The following TMEM161B variants were observed in gnomAD, a reference collection of about 807,000 sequenced individuals.
TMEM161B encodes transmembrane protein 161B.
Under a neutral mutation model 61.8 loss-of-function variants are expected in TMEM161B, and 34 were observed. The ratio of observed to expected loss-of-function variants is 0.55; its 90% confidence interval spans 0.42 to 0.73. The LOEUF is 0.73. TMEM161B is among the 30% of genes least tolerant of loss of function. The pLI, the probability that TMEM161B is intolerant of heterozygous loss-of-function variation, is 0.00. For missense variants in TMEM161B, 456 were observed against 558.5 expected, an observed-to-expected ratio of 0.82 and a Z score of 1.85; for synonymous variants, 167 against 192.8, an observed-to-expected ratio of 0.87 and a Z score of 1.11.
At chr5:88,258,206 T>A (rs1031609256) in intron 1 of TMEM161B, among the ~76,000 whole-genome samples, 10 of 152,218 alleles carry the variant, frequency 6.6e-5, no homozygotes, top group African/African-American at 2.4e-4. Context: ...TGCTTATCTG[T>A]CCCTATTGAC....
intron 1 of TMEM161B, among the ~76,000 whole-genome samples, chr5:88,244,436 A>G (rs1753267558): frequency 6.6e-6 from 1 of 151,810 alleles, no homozygotes; most frequent in South Asian, 2.1e-4. Flanking sequence ...CAAAGATCAC[A>G]TGGTTGCAGG....
rs748281708 is a variant in TMEM161B at position 88,228,453 on chromosome 5, T to A, written c.183A>T (p.Lys61Asn). The A allele has an allele frequency of 1.9e-6, 3 of 1,604,032 alleles. No individual in the cohort carries two copies. In the South Asian group the frequency reaches 3.4e-5, roughly 18 times the overall value. The change falls in exon 3 of 12, where the codon AAA becomes AAT. Residue 61 changes from lysine to asparagine, a missense_variant. This residue lies in a region of TMEM161B where 85 missense variants were observed against 111.2 expected (regional missense o/e 0.76). Coordinates refer to ENST00000296595, the MANE Select transcript of TMEM161B (RefSeq NM_153354.5). ...LAGKQQKGKTKKDRKYNGHIE... is the reference protein window; with the variant it reads ...LAGKQQKGKTNKDRKYNGHIE... ...AGCTCAATAAAACTTACCTATCTTT[T>A]TTGGTTTTCCCTTTTTGTTGTTTCC...
intron 8 of TMEM161B, 187 bp downstream of exon 8, chr5:88,205,627 A>C: frequency 1.8e-6 from 1 of 558,330 alleles, no homozygotes; most frequent in South Asian, 3.0e-5. Flanking sequence ...TATCTTTTTA[A>C]ATACAAGACT....
intron 3 of TMEM161B, among the ~76,000 whole-genome samples, chr5:88,227,809 T>C (rs1170867289): frequency 6.6e-6 from 1 of 152,156 alleles, no homozygotes; most frequent in Non-Finnish European, 1.5e-5. Flanking sequence ...AGAGAGGTAA[T>C]TAACATACAC....
At chr5:88,191,565 A>G (rs972341351), downstream of TMEM161B, among the ~76,000 whole-genome samples, 2 of 152,214 alleles carry the variant, frequency 1.3e-5, no homozygotes, top group African/African-American at 4.8e-5. Context: ...TCAAATAACA[A>G]TAAATGAATG....
At chr5:88,241,869 T>C (rs976268560) in intron 1 of TMEM161B, among the ~76,000 whole-genome samples, 1 of 151,772 alleles carries the variant, frequency 6.6e-6, no homozygotes, top group Non-Finnish European at 1.5e-5. Context: ...GGGAACCCTC[T>C]CACTTCCCAC....
intron 2 of TMEM161B, among the ~76,000 whole-genome samples, chr5:88,240,514 T>C (rs574730480): frequency 9.8e-4 from 149 of 151,858 alleles, no homozygotes; most frequent in African/African-American, 3.4e-3. Context: ...GCTAAACAGA[T>C]AAACTACTAA....
intron 2 of TMEM161B, among the ~76,000 whole-genome samples, chr5:88,235,538 A>G (rs1751705752): frequency 6.6e-6 from 1 of 152,140 alleles, no homozygotes; most frequent in African/African-American, 2.4e-5. Flanking sequence ...AGGTCAGAGA[A>G]CTAGCTTGTT....
chr5:88,186,528 T>C (rs1045703861), downstream of TMEM161B, among the ~76,000 whole-genome samples: 1 of 152,132 alleles, frequency 6.6e-6, no homozygotes, highest in Admixed American at 6.5e-5. Context: ...CTGATTCCAG[T>C]CTTTTGTCTC....
At position 88,199,074 on chromosome 5, in the gene TMEM161B, G is replaced by A. The variant is rs747761653; in HGVS notation, c.991C>T (p.Arg331Cys). The change falls in exon 10 of 12, where the codon CGT becomes TGT. Residue 331 changes from arginine to cysteine, a missense_variant. This residue lies in a region of TMEM161B where 367 missense variants were observed against 427.3 expected (regional missense o/e 0.86). Coordinates refer to ENST00000296595, the MANE Select transcript of TMEM161B (RefSeq NM_153354.5). ...TTTAAATAAGCTTGCAGGTGACTAC[G>A]CATCATGGCCAACCGCAAAGCACAC... ...LLCALRLAMM[R>C]SHLQAYLNLA... The A allele has an allele frequency of 9.3e-6, 15 of 1,612,848 alleles. No individual in the cohort carries two copies. The highest frequency in any genetic ancestry group is 1.7e-5 in the Admixed American group (1 of 59,800).
At position 88,210,529 on chromosome 5, in the gene TMEM161B, C is replaced by CT. The variant is rs1255802067; in HGVS notation, c.447-3350dup. On this transcript the variant is annotated intron_variant, in intron 5 of 11. Transcript: ENST00000296595. ...AGGCCACTCTGACTCCAGCAGAAGA[C>CT]TAAGATTTTTGCCTCTGAAGAAACT... 2.6e-5 allele frequency among the ~76,000 whole-genome samples: 4 copies of CT among 152,104 alleles called. No individual in the cohort carries two copies. In the East Asian group the frequency reaches 7.7e-4, roughly 29 times the overall value.
chr5:88,228,421 C>T, intron 3 of TMEM161B, 24 bp downstream of exon 3: 1 of 1,502,742 alleles, frequency 6.7e-7, no homozygotes, highest in Non-Finnish European at 9.2e-7. Flanking sequence ...ATATTTATTA[C>T]TTTACAAGCT....
At chr5:88,247,984 A>G (rs1753842215) in intron 1 of TMEM161B, among the ~76,000 whole-genome samples, 2 of 152,172 alleles carry the variant, frequency 1.3e-5, no homozygotes, top group South Asian at 4.1e-4. Context: ...TAAGACAGGA[A>G]GAGGATTCTA....
chr5:88,240,254 G>A (rs1752504185), intron 2 of TMEM161B, among the ~76,000 whole-genome samples: 1 of 151,782 alleles, frequency 6.6e-6, no homozygotes, highest in East Asian at 1.9e-4. Context: ...GTAAAACTAT[G>A]AACTCCTAAT....
At chr5:88,202,781 A>G (rs1356486686) in intron 9 of TMEM161B, 181 bp downstream of exon 9, 6 of 625,812 alleles carry the variant, frequency 9.6e-6, no homozygotes, top group Non-Finnish European at 1.7e-5. Context: ...TAACTAATAA[A>G]GATCACAAAA....
At chr5:88,203,787 ATATATATATATATATAT>A (rs1744901090) in intron 8 of TMEM161B, among the ~76,000 whole-genome samples, 1 of 19,310 alleles carries the variant, frequency 5.2e-5, no homozygotes, top group Non-Finnish European at 1.7e-4. Flanking sequence ...ATATATATAT[ATATATATATATATATAT>A]ATATATATAT....
chr5:88,208,076 G>A (rs1278754952), intron 5 of TMEM161B, among the ~76,000 whole-genome samples: 4 of 152,168 alleles, frequency 2.6e-5, no homozygotes, highest in African/African-American at 9.7e-5. Context: ...TGGGCCGGGC[G>A]CAGTGGCTCA....
chr5:88,252,513 A>G (rs770497447), intron 1 of TMEM161B, among the ~76,000 whole-genome samples: 2 of 152,368 alleles, frequency 1.3e-5, no homozygotes, highest in Non-Finnish European at 2.9e-5. Flanking sequence ...GAAAGAACAA[A>G]AATCTACTTC....
intron 2 of TMEM161B, among the ~76,000 whole-genome samples, chr5:88,232,663 T>A (rs368956781): frequency 2.5e-4 from 38 of 152,136 alleles, no homozygotes; most frequent in African/African-American, 5.5e-4. Flanking sequence ...AAGCTCTGCC[T>A]CCCGGGTTCA....
Sources: allele counts gnomAD v4.1 joint callset (sites outside exome capture counted in the v4.1 genomes callset), GRCh38; gene constraint gnomAD v4.1.1; regional missense constraint gnomAD v4.1.1; transcripts MANE v1.5; gene names NCBI Gene and HGNC (gene_info 2026-07-23, HGNC 2026-07-21).